HYOU1: variants seen among roughly 807,000 people sequenced by gnomAD.
The protein encoded by HYOU1 is hypoxia up-regulated 1, also known as hypoxia up-regulated protein 1.
Under a neutral mutation model 120.5 loss-of-function variants are expected in HYOU1, and 40 were observed. The observed-to-expected ratio is 0.33, with a 90% CI of 0.26 to 0.43. The LOEUF (loss-of-function observed/expected upper bound fraction) is 0.43. Ranked by LOEUF, HYOU1 falls within the 20% of genes least tolerant of loss-of-function variation. The pLI is 1.00. For synonymous variants in HYOU1, 501 were observed against 479.4 expected (o/e 1.05, Z -0.59); for missense variants, 1,085 against 1,278.3 (o/e 0.85, Z 2.31).
rs1373421184 is a variant in HYOU1 at position 119,050,719 on chromosome 11, CCAAAA to C, written c.1665+311_1665+315del. ...TTAAGTAACAGAGCCAAGACCCTCT[CCAAAA>C]AAAAAAAAAAAAAAAAAAAAAAAAA... is the stretch of plus-strand genomic sequence containing the variant. On this transcript the variant is annotated intron_variant, in intron 14 of 25. Coordinates refer to ENST00000617285, the MANE Select transcript of HYOU1 (RefSeq NM_006389.5). Among the ~76,000 whole-genome samples, 20 of 52,872 alleles carry C rather than the reference CCAAAA, an allele frequency of 3.8e-4. 8 individuals are homozygous for C. The highest frequency in any genetic ancestry group is 1.4e-3 in the East Asian group (2 of 1,404). 34.7% of individuals were successfully genotyped at this position (52,872 alleles called of 152,430 possible). A position where few individuals can be genotyped will look rare whatever the true frequency, so the allele number is the denominator to read the frequency against.
chr11:119,053,527 G>A (rs1019856014), intron 8 of HYOU1: 1 of 152,394 alleles, frequency 6.6e-6, no homozygotes, highest in Non-Finnish European at 1.5e-5. Flanking sequence ...GCCAGCGACA[G>A]GTTTTTAAAG....
chr11:119,055,351 A>G lies in HYOU1; in HGVS notation c.265-12T>C. The stretch of plus-strand genomic sequence containing the variant: ...GGATTCTTAATCGCCTGAGGGGTGA[A>G]GAAGGAGCAGACTAGTATTAGGCTC... On this transcript the variant is annotated splice_polypyrimidine_tract_variant and intron_variant, in intron 4 of 25. Transcript: ENST00000617285. This position sits in a 1 kb window ranked among gnomAD's most constrained non-coding sequence, Gnocchi z 4.0. 10 of 1,612,174 alleles carry G rather than the reference A, an allele frequency of 6.2e-6. No individual in the cohort carries two copies. The highest frequency in any genetic ancestry group is 8.5e-6 in the Non-Finnish European group (10 of 1,178,678).
In HYOU1 at chr11:119,054,106, C is replaced by T. The variant is rs2133602799; in HGVS notation, c.794+15G>A. 6.4e-7 allele frequency: 1 copy of T among 1,552,860 alleles called. No individual in the cohort carries two copies. Among genetic ancestry groups the T allele is most frequent in the Admixed American group, 1.7e-5 (1 of 59,578 alleles). ...GGTCTTCACAAGCAGCCCTCCCTGC[C>T]AAGTATCCACTTACCCTACTCCCCG... is the stretch of plus-strand genomic sequence containing the variant. On this transcript the variant is annotated intron_variant, in intron 8 of 25. Transcript: ENST00000617285.
rs2133619883 is a variant in HYOU1 at position 119,057,097 on chromosome 11, C to G, written c.-85G>C. 2.6e-5 allele frequency: 4 copies of G among 152,288 alleles called. No homozygotes were observed. Among genetic ancestry groups the G allele is most frequent in the African/African-American group, 7.2e-5 (3 of 41,452 alleles). The allele number at this position is 152,288 out of a possible 1,614,324, so 9.4% of individuals were successfully genotyped here. On this transcript the variant is annotated 5_prime_UTR_variant, in exon 1 of 26. Coordinates refer to ENST00000617285, the MANE Select transcript of HYOU1 (RefSeq NM_006389.5). ...TACCCACGAGGCCGGCAGCGCCCCC[C>G]ACCCGCGCCCTTCACAACTCCTCTC... is the stretch of plus-strand genomic sequence containing the variant.
intron 16 of HYOU1, 26 bp from the exon 17 acceptor site, chr11:119,049,229 G>A (rs113082357): frequency 1.9e-6 from 3 of 1,587,018 alleles, no homozygotes; most frequent in South Asian, 2.3e-5. Context: ...GGCGCCCCAG[G>A]GAACGATCAG....
In HYOU1 at chr11:119,055,974, C is replaced by T; in HGVS notation, c.91+96G>A. ...AGACAAAAAGGCCTGGACCTAACAACTCAAGAGACTTCTGGCCAACAGCCC... is the reference window on the plus strand; with the variant it reads ...AGACAAAAAGGCCTGGACCTAACAATTCAAGAGACTTCTGGCCAACAGCCC... On this transcript the variant is annotated intron_variant, in intron 2 of 25. Transcript: ENST00000617285. This position sits in a 1 kb window ranked among gnomAD's most constrained non-coding sequence, Gnocchi z 4.0. The T allele has an allele frequency of 1.4e-6, 2 of 1,381,504 alleles. No homozygotes were observed. Among genetic ancestry groups the T allele is most frequent in the Non-Finnish European group, 1.0e-6 (1 of 969,184 alleles). 85.6% of individuals were successfully genotyped at this position (1,381,504 alleles called of 1,614,324 possible). A position where few individuals can be genotyped will look rare whatever the true frequency, so the allele number is the denominator to read the frequency against.
chr11:119,045,673 A>T lies in HYOU1; in HGVS notation c.2939-19T>A. 6.2e-7 allele frequency: 1 copy of T among 1,613,828 alleles called. No individual in the cohort carries two copies. Among genetic ancestry groups the T allele is most frequent in the Non-Finnish European group, 8.5e-7 (1 of 1,179,940 alleles). ...TCAGGTTCTGTTGGGAGTTTGGGGG[A>T]GCAAAGGAATCACCGCAGGTGAAAC... On this transcript the variant is annotated intron_variant, in intron 25 of 25. Transcript: ENST00000617285.
In HYOU1 at chr11:119,052,967, C is replaced by T; in HGVS notation, c.795-138G>A. On this transcript the variant is annotated intron_variant, in intron 8 of 25. Coordinates refer to ENST00000617285, the MANE Select transcript of HYOU1 (RefSeq NM_006389.5). The surrounding 1 kb of genome is among the most constrained non-coding windows in gnomAD (Gnocchi z 5.0). ...TCATCTCCAGTGCCCCATGTGTGGACACACACTCTGCCCTCAACTCTCTAC... is the reference window on the plus strand; with the variant it reads ...TCATCTCCAGTGCCCCATGTGTGGATACACACTCTGCCCTCAACTCTCTAC... The T allele has an allele frequency of 1.3e-6, 1 of 752,090 alleles. No individual in the cohort carries two copies. Among genetic ancestry groups the T allele is most frequent in the Non-Finnish European group, 2.1e-6 (1 of 473,172 alleles). The allele number at this position is 752,090 out of a possible 1,614,324, so 46.6% of individuals were successfully genotyped here.
intron 24 of HYOU1, among the ~76,000 whole-genome samples, 171 bp downstream of exon 24, chr11:119,046,246 G>A (rs2133548307): frequency 6.6e-5 from 10 of 150,454 alleles, no homozygotes; most frequent in African/African-American, 2.0e-4. Flanking sequence ...GATTACAGGC[G>A]TGAGCCACCG....
intron 22 of HYOU1, 23 bp downstream of exon 22, chr11:119,047,711 T>G (rs2133557691): frequency 6.3e-7 from 1 of 1,583,388 alleles, no homozygotes; most frequent in South Asian, 1.1e-5. Context: ...AAGTATCTGG[T>G]TAAGTATTTA....
chr11:119,055,919 C>T lies in HYOU1; in HGVS notation c.92-76G>A. The stretch of plus-strand genomic sequence containing the variant: ...GGGACTCCCTCTAATCAAAGCATAC[C>T]ACTTTCCATGGGTAAACGAAGATGG... On this transcript the variant is annotated intron_variant, in intron 2 of 25. Coordinates refer to ENST00000617285, the MANE Select transcript of HYOU1 (RefSeq NM_006389.5). The surrounding 1 kb of genome is among the most constrained non-coding windows in gnomAD (Gnocchi z 4.0). 7.0e-7 allele frequency: 1 copy of T among 1,423,398 alleles called. No individual in the cohort carries two copies. The highest frequency in any genetic ancestry group is 9.9e-7 in the Non-Finnish European group (1 of 1,007,090). 88.2% of individuals were successfully genotyped at this position (1,423,398 alleles called of 1,614,324 possible).
intron 14 of HYOU1, 151 bp from the exon 15 acceptor site, chr11:119,049,988 C>T (rs1377150276): frequency 2.8e-6 from 2 of 725,298 alleles, no homozygotes; most frequent in Non-Finnish European, 4.8e-6. Flanking sequence ...AGGTGGCTGC[C>T]CATCTCCTTT....
At chr11:119,056,700 C>CA in intron 1 of HYOU1, 2 of 271,312 alleles carry the variant, frequency 7.4e-6, no homozygotes, top group South Asian at 3.5e-5. Context: ...CCTCCCCTTT[C>CA]CCAGCTCACT....
In HYOU1 at chr11:119,055,832, C is replaced by T; in HGVS notation, c.103G>A (p.Val35Met). Reference sequence around the variant, plus strand: ...TCACTGCCCAGGTCCACAGACATCACTGCCAGTGTATCTGAAGGGAAAAGA... The same window carrying T: ...TCACTGCCCAGGTCCACAGACATCATTGCCAGTGTATCTGAAGGGAAAAGA... ...DLLALSDTLAVMSVDLGSESM... is the reference protein window; with the variant it reads ...DLLALSDTLAMMSVDLGSESM... The change falls in exon 3 of 26, where the codon GTG becomes ATG. Residue 35 changes from valine (V) to methionine (M), a missense_variant. Val to Met is a conservative substitution (Grantham distance 21). Around this residue, in one of 4 missense-constraint regions of HYOU1, gnomAD observed 45 missense variants for 49.2 expected, o/e 0.91. Transcript: ENST00000617285. The surrounding 1 kb of genome is among the most constrained non-coding windows in gnomAD (Gnocchi z 4.0). The T allele has an allele frequency of 6.2e-7, 1 of 1,613,980 alleles. No homozygotes were observed. Among genetic ancestry groups the T allele is most frequent in the South Asian group, 1.1e-5 (1 of 91,082 alleles).
At position 119,056,148 on chromosome 11, in the gene HYOU1, C is replaced by A; in HGVS notation, c.13G>T (p.Val5Phe). 1 of 1,613,878 alleles carries A rather than the reference C, an allele frequency of 6.2e-7. No homozygotes were observed. The highest frequency in any genetic ancestry group is 8.5e-7 in the Non-Finnish European group (1 of 1,179,988). Residue 5 changes from valine (V) to phenylalanine (F), a missense_variant, in exon 2 of 26, where the codon GTT (valine) becomes TTT (phenylalanine). Physicochemically the swap from Val to Phe is conservative, Grantham distance 50. Around this residue, in one of 4 missense-constraint regions of HYOU1, gnomAD observed 45 missense variants for 49.2 expected, o/e 0.91. Transcript: ENST00000617285. ...CGCCTCCTCGGCCTCTGCCTCCTAA[C>A]TTTGTCTGCCATAGTGCCCCTGGGG... MADK[V>F]RRQRPRRRVC... is the part of the protein sequence containing the mutation.
In HYOU1 at chr11:119,052,301, C is replaced by T; in HGVS notation, c.1116G>A (p.Met372Ile). The change falls in exon 10 of 26, where the codon ATG becomes ATA. Residue 372 changes from methionine (M) to isoleucine (I), a missense_variant. Transcript: ENST00000617285. The surrounding 1 kb of genome is among the most constrained non-coding windows in gnomAD (Gnocchi z 5.0). ...PVQQALQSAE[M>I]SLDEIEQVIL... Reference sequence around the variant, plus strand: ...CCTTCCCCTACTCGCTCACCAGACTCATTTCGGCACTCTGGAGGGCCTGCT... The same window carrying T: ...CCTTCCCCTACTCGCTCACCAGACTTATTTCGGCACTCTGGAGGGCCTGCT... 1 of 1,614,254 alleles carries T rather than the reference C, an allele frequency of 6.2e-7. No homozygotes were observed. The highest frequency in any genetic ancestry group is 8.5e-7 in the Non-Finnish European group (1 of 1,180,040).
chr11:119,055,184 C>T lies in HYOU1; in HGVS notation c.419+1G>A, dbSNP rs2133610893. The T allele has an allele frequency of 1.2e-6, 2 of 1,612,850 alleles. No individual in the cohort carries two copies. Among genetic ancestry groups the T allele is most frequent in the African/African-American group, 1.3e-5 (1 of 75,028 alleles). ...ACCACCTTCCCCAACAGAGCACTCACGAGCTGATCTGAAAGTGCACAGTCT... is the reference window on the plus strand; with the variant it reads ...ACCACCTTCCCCAACAGAGCACTCATGAGCTGATCTGAAAGTGCACAGTCT... On this transcript the variant is annotated splice_donor_variant, in intron 5 of 25. Transcript: ENST00000617285. LOFTEE classifies it high-confidence loss of function. This position sits in a 1 kb window ranked among gnomAD's most constrained non-coding sequence, Gnocchi z 4.0.
Position 119,052,801 on chromosome 11 carries a change from T to A in HYOU1, c.823A>T (p.Met275Leu). Residue 275 changes from methionine to leucine, a missense_variant, in exon 9 of 26, where the codon ATG becomes TTG. Coordinates refer to ENST00000617285, the MANE Select transcript of HYOU1 (RefSeq NM_006389.5). This position sits in a 1 kb window ranked among gnomAD's most constrained non-coding sequence, Gnocchi z 5.0. ...GFDRTLGGLE[M>L]ELRLRERLAG... ...AGGCGTTCTCGAAGCCGGAGCTCCA[T>A]CTCCAGGCCCCCCAGGGTACGGTCA... 1 of 1,613,964 alleles carries A rather than the reference T, an allele frequency of 6.2e-7. No individual in the cohort carries two copies. The highest frequency in any genetic ancestry group is 8.5e-7 in the Non-Finnish European group (1 of 1,179,958).
intron 16 of HYOU1, 86 bp downstream of exon 16, chr11:119,049,470 T>G (rs1592140336): frequency 1.3e-6 from 2 of 1,548,068 alleles, no homozygotes; most frequent in African/African-American, 1.4e-5. Context: ...GGGGCAGGGG[T>G]GGCCTACCCT....
Sources: allele counts gnomAD v4.1 joint callset (sites outside exome capture counted in the v4.1 genomes callset), GRCh38; gene constraint gnomAD v4.1.1; regional missense constraint gnomAD v4.1.1; non-coding constraint Gnocchi (gnomAD v3.1); transcripts MANE v1.5; gene names NCBI Gene and HGNC (gene_info 2026-07-23, HGNC 2026-07-21).